Variants in SHCBP1 observed in about 807,000 individuals in gnomAD.
SHCBP1 encodes the protein SHC binding and spindle associated 1.
SHCBP1 carries 60 observed loss-of-function variants against 75.1 expected under a neutral mutation model. The ratio of observed to expected loss-of-function variants is 0.80; its 90% CI spans 0.65 to 0.99. The LOEUF (loss-of-function observed/expected upper bound fraction) is 0.99, where lower values mean the gene tolerates loss of function less well. Among genes scored for constraint, SHCBP1 ranks in the 50% least tolerant of loss-of-function variants. The pLI is 0.00. For synonymous variants in SHCBP1, 290 were observed against 293.2 expected (o/e 0.99, Z 0.11); for missense variants, 709 against 809.4 (o/e 0.88, Z 1.50).
intron 5 of SHCBP1, 107 bp from the exon 6 acceptor site, chr16:46,604,568 A>G (rs1242244764): frequency 8.5e-6 from 6 of 705,288 alleles, no homozygotes; most frequent in Non-Finnish European, 1.3e-5. Flanking sequence ...TTTACAGTAT[A>G]TAACTCAGGT....
At position 46,614,013 on chromosome 16, in the gene SHCBP1, G is replaced by C. The variant is rs867235719; in HGVS notation, c.596+1933C>G. Among the ~76,000 whole-genome samples the C allele has an allele frequency of 1.1e-4, 16 of 152,194 alleles. No individual in the cohort carries two copies. In the Middle Eastern group the frequency reaches 0.01, roughly 97 times the overall value. On this transcript the variant is annotated intron_variant, in intron 4 of 12. Transcript: ENST00000303383. ...CGAACTTCTATGCCCATAGAGATTA[G>C]CTCCCTGATTCCTAATTTCCTAAAC... is the stretch of plus-strand genomic sequence containing the variant.
intron 8 of SHCBP1, among the ~76,000 whole-genome samples, chr16:46,600,943 G>C (rs1965226468): frequency 6.6e-6 from 1 of 152,140 alleles, no homozygotes; most frequent in Non-Finnish European, 1.5e-5. Context: ...CTGGGAGGCG[G>C]AGATTGCAGT....
intron 4 of SHCBP1, among the ~76,000 whole-genome samples, chr16:46,611,979 G>A (rs1044159242): frequency 6.6e-6 from 1 of 152,214 alleles, no homozygotes; most frequent in Non-Finnish European, 1.5e-5. Context: ...AAATTCCTCA[G>A]GTGATTCCAA....
rs1427339523 is a variant in SHCBP1, at chr16:46,580,974, C to T, written c.*755G>A. The T allele has an allele frequency of 6.6e-6, 1 of 152,218 alleles. No individual in the cohort carries two copies. The highest frequency in any genetic ancestry group is 1.5e-5 in the Non-Finnish European group (1 of 68,150). 9.4% of individuals were successfully genotyped at this position (152,218 alleles called of 1,614,324 possible). ...ATGTTGCCTAGGCTAGTCTTGAACT[C>T]CTGGGCTCAAGTGATCCTCCTGCCT... On this transcript the variant is annotated 3_prime_UTR_variant, in exon 13 of 13. Transcript: ENST00000303383.
chr16:46,586,869 G>C (rs1003157657), intron 10 of SHCBP1, among the ~76,000 whole-genome samples: 1 of 151,974 alleles, frequency 6.6e-6, no homozygotes, highest in Non-Finnish European at 1.5e-5. Context: ...TCAGGAATGA[G>C]GAGGAAATCA....
intron 10 of SHCBP1, among the ~76,000 whole-genome samples, chr16:46,592,827 T>G (rs1363026368): frequency 6.6e-6 from 1 of 151,364 alleles, no homozygotes; most frequent in Non-Finnish European, 1.5e-5. Flanking sequence ...CCATTTTCTG[T>G]TTTCCAGTAA....
In SHCBP1 at chr16:46,604,053, G is replaced by C; in HGVS notation, c.1014C>G (p.Thr338=). ...GQKITHVVSS[T]MMAGLLRSLL... Reference sequence around the variant, plus strand: ...GGGACCGCAGGAGACCAGCCATCATGGTGGAGGAGACCACATGAGTGATCT... The same window carrying C: ...GGGACCGCAGGAGACCAGCCATCATCGTGGAGGAGACCACATGAGTGATCT... Residue 338 remains threonine (T), a synonymous_variant, in exon 7 of 13, where the codon ACC becomes ACG. Coordinates refer to ENST00000303383, the MANE Select transcript of SHCBP1 (RefSeq NM_024745.5). The C allele has an allele frequency of 6.2e-7, 1 of 1,614,190 alleles. No homozygotes were observed. Among genetic ancestry groups the C allele is most frequent in the Admixed American group, 1.7e-5 (1 of 60,014 alleles).
intron 1 of SHCBP1, among the ~76,000 whole-genome samples, chr16:46,618,578 CT>C (rs1403309848): frequency 4.2e-5 from 5 of 119,392 alleles, no homozygotes; most frequent in African/African-American, 1.3e-4. Flanking sequence ...ACAATAAGCG[CT>C]TAAGATCTTT....
Position 46,599,883 on chromosome 16 carries a change from A to C in SHCBP1, c.1293T>G (p.Ile431Met), listed in dbSNP as rs1286930287. 6.2e-7 allele frequency: 1 copy of C among 1,612,664 alleles called. No homozygotes were observed. Among genetic ancestry groups the C allele is most frequent in the Non-Finnish European group, 8.5e-7 (1 of 1,179,638 alleles). The change falls in exon 9 of 13, where the codon ATT becomes ATG. Residue 431 changes from isoleucine to methionine, a missense_variant. Coordinates refer to ENST00000303383, the MANE Select transcript of SHCBP1 (RefSeq NM_024745.5). ...GAACAAATTTTATGCCTGAGATTTTAATATCAGCACCAGTGCAGTCCACAA... is the reference window on the plus strand; with the variant it reads ...GAACAAATTTTATGCCTGAGATTTTCATATCAGCACCAGTGCAGTCCACAA... ...DTFVDCTGAD[I>M]KISGIKFVQH...
chr16:46,579,908 AC>A lies in SHCBP1; in HGVS notation c.*1820del, dbSNP rs576425960. Among the ~76,000 whole-genome samples, 44 of 152,228 alleles carry A rather than the reference AC, an allele frequency of 2.9e-4. No individual in the cohort carries two copies. The East Asian group carries it at 8.3e-3, about 29-fold the overall frequency. On this transcript the variant is annotated 3_prime_UTR_variant, in exon 13 of 13. Transcript: ENST00000303383. ...ATGCCACTGCACTCCAGCCTGGGTG[AC>A]AAAGTGAAGCTCCATCTCAAAAACA...
At chr16:46,585,830 C>T (rs931296314) in intron 10 of SHCBP1, among the ~76,000 whole-genome samples, 1 of 152,124 alleles carries the variant, frequency 6.6e-6, no homozygotes, top group Non-Finnish European at 1.5e-5. Flanking sequence ...TATCACAGTG[C>T]CAGTGGAGAC....
At chr16:46,615,515 G>A (rs570646781) in intron 4 of SHCBP1, among the ~76,000 whole-genome samples, 1 of 152,276 alleles carries the variant, frequency 6.6e-6, no homozygotes, top group African/African-American at 2.4e-5. Flanking sequence ...CAAGGCAGGT[G>A]GATCACCTGA....
Position 46,604,144 on chromosome 16 carries a change from C to T in SHCBP1, c.924-1G>A. On this transcript the variant is annotated splice_acceptor_variant, in intron 6 of 12. Coordinates refer to ENST00000303383, the MANE Select transcript of SHCBP1 (RefSeq NM_024745.5). LOFTEE classifies it high-confidence loss of function. ...ATTCTTCTGATAACCAAACACATAC[C>T]TTAAAGAAACGAAACAGGCCTATCA... 2 of 1,613,684 alleles carry T rather than the reference C, an allele frequency of 1.2e-6. No individual in the cohort carries two copies. Among genetic ancestry groups the T allele is most frequent in the Non-Finnish European group, 1.7e-6 (2 of 1,179,918 alleles).
At position 46,604,140 on chromosome 16, in the gene SHCBP1, A is replaced by G. The variant is rs1043110511; in HGVS notation, c.927T>C (p.Tyr309=). ...LKLIENPLLR[Y]VFGYQKNSNI... ...TAGAATTCTTCTGATAACCAAACAC[A>G]TACCTTAAAGAAACGAAACAGGCCT... Residue 309 remains tyrosine, a synonymous_variant, in exon 7 of 13, where the codon TAT becomes TAC. Transcript: ENST00000303383. 2 of 1,613,852 alleles carry G rather than the reference A, an allele frequency of 1.2e-6. No homozygotes were observed.
intron 7 of SHCBP1, 50 bp downstream of exon 7, chr16:46,603,925 G>A: frequency 2.6e-6 from 4 of 1,558,964 alleles, no homozygotes; most frequent in South Asian, 2.5e-5. Flanking sequence ...AAAACCTGTG[G>A]TGAATCAGAA....
At chr16:46,591,318 T>TA (rs1162549707) in intron 10 of SHCBP1, among the ~76,000 whole-genome samples, 11 of 151,438 alleles carry the variant, frequency 7.3e-5, no homozygotes, top group Middle Eastern at 3.2e-3. Context: ...AAGTATAATT[T>TA]AAAAAAAATA....
intron 10 of SHCBP1, 22 bp downstream of exon 10, chr16:46,595,530 C>T: frequency 6.3e-7 from 1 of 1,581,846 alleles, no homozygotes; most frequent in South Asian, 1.1e-5. Flanking sequence ...AACTACTTCC[C>T]CAAGAGGACA....
At chr16:46,582,457 T>A (rs2142997093) in intron 12 of SHCBP1, among the ~76,000 whole-genome samples, 1 of 152,352 alleles carries the variant, frequency 6.6e-6, no homozygotes, top group African/African-American at 2.4e-5. Context: ...TTAAGATTGC[T>A]AATCAGTTTT....
At chr16:46,582,904 T>C (rs1964895060) in intron 12 of SHCBP1, among the ~76,000 whole-genome samples, 1 of 152,224 alleles carries the variant, frequency 6.6e-6, no homozygotes, top group Non-Finnish European at 1.5e-5. Flanking sequence ...TTTCCTCACC[T>C]ACATCAAAGC....
Sources: allele counts gnomAD v4.1 joint callset (sites outside exome capture counted in the v4.1 genomes callset), GRCh38; gene constraint gnomAD v4.1.1; transcripts MANE v1.5; gene names NCBI Gene and HGNC (gene_info 2026-07-23, HGNC 2026-07-21).